The following FNIP1 variants were observed in gnomAD, a reference collection of about 807,000 sequenced individuals.
The protein encoded by FNIP1 is folliculin interacting protein 1, also known as folliculin-interacting protein 1.
A neutral mutation model predicts 124.5 loss-of-function variants in FNIP1; 40 were observed. That is an observed-to-expected ratio of 0.32 (90% CI 0.25 to 0.42). The LOEUF is 0.42. FNIP1 is among the 10% of genes least tolerant of loss of function. The pLI is 1.00. For missense variants in FNIP1, 1,176 were observed against 1,403.7 expected, an observed-to-expected ratio of 0.84 and a Z score of 2.59; for synonymous variants, 472 against 470.6, an observed-to-expected ratio of 1.00 and a Z score of -0.04.
At chr5:131,647,986 G>T (rs1355185892) in intron 16 of FNIP1, among the ~76,000 whole-genome samples, 1 of 151,724 alleles carries the variant, frequency 6.6e-6, no homozygotes, top group African/African-American at 2.4e-5. Context: ...GTTTGCAAAA[G>T]TTCACAAAGA....
chr5:131,787,748 T>C (rs1293864883), intron 1 of FNIP1, among the ~76,000 whole-genome samples: 1 of 152,134 alleles, frequency 6.6e-6, no homozygotes, highest in Non-Finnish European at 1.5e-5. Flanking sequence ...TCAATCCTCA[T>C]TGCTTAATGA....
chr5:131,695,496 G>A (rs1768663614), intron 11 of FNIP1, among the ~76,000 whole-genome samples: 1 of 152,154 alleles, frequency 6.6e-6, no homozygotes, highest in African/African-American at 2.4e-5. Flanking sequence ...TTCAGCCTGT[G>A]CAGGTCTAGC....
At chr5:131,772,613 C>T (rs1771677368) in intron 1 of FNIP1, among the ~76,000 whole-genome samples, 1 of 152,090 alleles carries the variant, frequency 6.6e-6, no homozygotes, top group Admixed American at 6.6e-5. Context: ...CATTCCTTAC[C>T]TTAATAGCTC....
intron 12 of FNIP1, among the ~76,000 whole-genome samples, chr5:131,678,452 G>A (rs1004320608): frequency 1.3e-5 from 2 of 152,034 alleles, no homozygotes; most frequent in African/African-American, 4.8e-5. Flanking sequence ...TTGTCACCCA[G>A]GCTACAGTGC....
At chr5:131,716,474 G>T in intron 6 of FNIP1, 91 bp downstream of exon 6, 1 of 759,530 alleles carries the variant, frequency 1.3e-6, no homozygotes. Context: ...TTGTTATCAT[G>T]ACAGATCTGC....
intron 1 of FNIP1, among the ~76,000 whole-genome samples, chr5:131,750,155 G>C (rs139035476): frequency 6.6e-6 from 1 of 152,114 alleles, no homozygotes; most frequent in African/African-American, 2.4e-5. Context: ...GTTTTGATAG[G>C]TATACGGAAC....
chr5:131,785,425 G>A (rs1482559424), intron 1 of FNIP1, among the ~76,000 whole-genome samples: 1 of 151,666 alleles, frequency 6.6e-6, no homozygotes, highest in Non-Finnish European at 1.5e-5. Flanking sequence ...CGTGATGGCA[G>A]GCGCCTGTAA....
chr5:131,738,365 C>T (rs1009210004), intron 2 of FNIP1, among the ~76,000 whole-genome samples: 1 of 152,106 alleles, frequency 6.6e-6, no homozygotes, highest in African/African-American at 2.4e-5. Context: ...AAAGTGTTTT[C>T]TCAGGTTGCC....
At chr5:131,688,014 T>A (rs1366957484) in intron 11 of FNIP1, among the ~76,000 whole-genome samples, 1 of 152,042 alleles carries the variant, frequency 6.6e-6, no homozygotes, top group Non-Finnish European at 1.5e-5. Flanking sequence ...GCAGCCTTCC[T>A]CGCTGGCCTC....
At chr5:131,784,437 GTA>G (rs1479860124) in intron 1 of FNIP1, among the ~76,000 whole-genome samples, 2 of 152,138 alleles carry the variant, frequency 1.3e-5, no homozygotes, top group Admixed American at 6.5e-5. Flanking sequence ...AGAAGGGTAT[GTA>G]TGTGTGTGTG....
At chr5:131,656,177 G>T (rs897565215) in intron 15 of FNIP1, among the ~76,000 whole-genome samples, 4 of 152,170 alleles carry the variant, frequency 2.6e-5, no homozygotes, top group African/African-American at 7.2e-5. Flanking sequence ...AACATCATGG[G>T]ATCCACATGG....
At chr5:131,784,754 C>G (rs377314334) in intron 1 of FNIP1, among the ~76,000 whole-genome samples, 1 of 150,974 alleles carries the variant, frequency 6.6e-6, no homozygotes, top group Non-Finnish European at 1.5e-5. Flanking sequence ...CCCAGATGAT[C>G]GAGGCTGCAC....
At chr5:131,712,553 T>C (rs1396818024) in intron 6 of FNIP1, among the ~76,000 whole-genome samples, 1 of 152,198 alleles carries the variant, frequency 6.6e-6, no homozygotes, top group African/African-American at 2.4e-5. Flanking sequence ...TTTAGCTGTA[T>C]CCTCATCCAC....
chr5:131,733,526 T>A (rs1037560141), intron 2 of FNIP1, among the ~76,000 whole-genome samples: 2 of 152,112 alleles, frequency 1.3e-5, no homozygotes, highest in African/African-American at 4.8e-5. Context: ...TTATTGAGAG[T>A]TTTTAGCATG....
chr5:131,734,703 A>G (rs1228025089), intron 2 of FNIP1, among the ~76,000 whole-genome samples: 1 of 152,258 alleles, frequency 6.6e-6, no homozygotes, highest in Non-Finnish European at 1.5e-5. Context: ...CAACAGACAC[A>G]TGAAAAAATG....
At chr5:131,792,898 T>G (rs934936832) in intron 1 of FNIP1, among the ~76,000 whole-genome samples, 3 of 152,320 alleles carry the variant, frequency 2.0e-5, no homozygotes, top group African/African-American at 4.8e-5. Flanking sequence ...AACCAGGCAT[T>G]TCAGGTAAAG....
chr5:131,727,623 C>G (rs915605775), intron 3 of FNIP1, among the ~76,000 whole-genome samples: 1 of 152,074 alleles, frequency 6.6e-6, no homozygotes, highest in Non-Finnish European at 1.5e-5. Context: ...GGTCTTGACT[C>G]GTTATCCAAT....
intron 8 of FNIP1, among the ~76,000 whole-genome samples, chr5:131,707,365 G>C (rs191952418): frequency 6.6e-6 from 1 of 152,228 alleles, no homozygotes; most frequent in African/African-American, 2.4e-5. Context: ...ATGATCATAA[G>C]CACATACTGA....
chr5:131,764,772 T>C (rs1221501976), intron 1 of FNIP1, among the ~76,000 whole-genome samples: 1 of 152,156 alleles, frequency 6.6e-6, no homozygotes, highest in Non-Finnish European at 1.5e-5. Flanking sequence ...GTACTCAATA[T>C]TTTTGTAGAA....
Sources: gnomAD v4.1 joint callset for allele counts (sites outside exome capture counted in the v4.1 genomes callset) on GRCh38, gnomAD v4.1.1 for gene constraint, MANE v1.5 for transcripts, NCBI Gene and HGNC (gene_info 2026-07-23, HGNC 2026-07-21) for gene names.